Variants in ZNF791 observed in about 807,000 individuals in gnomAD.
ZNF791 encodes the protein zinc finger protein 791.
In ZNF791, 4 loss-of-function variants were observed where a neutral mutation model predicts 11.5. That is an observed-to-expected ratio of 0.35 (90% confidence interval 0.17 to 0.80). The LOEUF (loss-of-function observed/expected upper bound fraction) is 0.80. Among genes scored for constraint, ZNF791 ranks in the 30% least tolerant of loss-of-function variants. ZNF791 has a pLI of 0.53. For synonymous variants in ZNF791, 212 were observed against 228.1 expected, an observed-to-expected ratio of 0.93 and a Z score of 0.64; for missense variants, 559 against 699.4, an observed-to-expected ratio of 0.80 and a Z score of 2.26.
intron 1 of ZNF791, among the ~76,000 whole-genome samples, chr19:12,614,878 C>T (rs1458560950): frequency 1.8e-5 from 2 of 110,450 alleles, no homozygotes; most frequent in Non-Finnish European, 3.5e-5. Context: ...CAGGTGTGAG[C>T]CACTGCGTCC....
Position 12,618,988 on chromosome 19 carries a change from C to T in ZNF791, c.4-4712C>T, listed in dbSNP as rs567677525. Among the ~76,000 whole-genome samples, 3 of 151,796 alleles carry T rather than the reference C, an allele frequency of 2.0e-5. No homozygotes were observed. In the South Asian group the frequency reaches 6.3e-4, roughly 32 times the overall value. On this transcript the variant is annotated intron_variant, in intron 1 of 3. Transcript: ENST00000343325. ...TCAGCCTCCCGAGTAGCTGGGACTA[C>T]AGGCATGAGCCACCATGCCCAGCTA...
At chr19:12,619,853 T>TG (rs1021694729) in intron 1 of ZNF791, among the ~76,000 whole-genome samples, 15 of 82,134 alleles carry the variant, frequency 1.8e-4, no homozygotes, top group African/African-American at 7.4e-4. Context: ...CTTTTTTTTC[T>TG]GTTTTTTTTT....
intron 3 of ZNF791, 21 bp downstream of exon 3, chr19:12,624,731 G>C: frequency 6.3e-7 from 1 of 1,586,064 alleles, no homozygotes; most frequent in Non-Finnish European, 8.6e-7. Flanking sequence ...CTCACAAGAA[G>C]TAACAGTGTT....
At chr19:12,622,389 A>T (rs199897791) in intron 1 of ZNF791, among the ~76,000 whole-genome samples, 2,091 of 26,506 alleles carry the variant, frequency 0.079, 81 homozygotes, top group African/African-American at 0.21. Flanking sequence ...AAAAAAAATA[A>T]TAAAAAAAAG....
intron 1 of ZNF791, among the ~76,000 whole-genome samples, chr19:12,619,964 C>A (rs939719605): frequency 1.1e-4 from 16 of 150,228 alleles, no homozygotes; most frequent in African/African-American, 3.9e-4. Context: ...CGCTCTGTCG[C>A]CCAGGTTGGA....
chr19:12,619,519 G>C (rs888227777), intron 1 of ZNF791, among the ~76,000 whole-genome samples: 17 of 143,606 alleles, frequency 1.2e-4, no homozygotes, highest in African/African-American at 4.4e-4. Context: ...GCGCGATCTG[G>C]GCTCACTGCA....
rs752401192 is a variant in ZNF791, at chr19:12,628,811, C to T, written c.1282C>T (p.Arg428Ter). The T allele has an allele frequency of 3.1e-6, 5 of 1,614,048 alleles. No homozygotes were observed. The highest frequency in any genetic ancestry group is 1.1e-5 in the South Asian group (1 of 91,060). ...AKTFISLENF[R>*]RHMITHTGDG... ...AACCTTCATTTCTCTTGAGAACTTTCGAAGACACATGATCACCCACACTGG... is the reference window on the plus strand; with the variant it reads ...AACCTTCATTTCTCTTGAGAACTTTTGAAGACACATGATCACCCACACTGG... Residue 428 changes from arginine (R) to a stop codon, truncating the protein, a stop_gained, in exon 4 of 4, where the codon CGA becomes TGA. Coordinates refer to ENST00000343325, the MANE Select transcript of ZNF791 (RefSeq NM_153358.3). LOFTEE classifies it low-confidence loss of function (END_TRUNC).
chr19:12,624,162 T>G (rs1335355772), intron 2 of ZNF791, among the ~76,000 whole-genome samples: 2 of 141,046 alleles, frequency 1.4e-5, no homozygotes, highest in Non-Finnish European at 3.1e-5. Context: ...GGCCTTCTTT[T>G]TTTTTTTTTT....
At position 12,633,414 on chromosome 19, in the gene ZNF791, A is replaced by C. The variant is rs2023522879; in HGVS notation, c.*4154A>C. 6.6e-6 allele frequency: 1 copy of C among 152,136 alleles called. No individual in the cohort carries two copies. Among genetic ancestry groups the C allele is most frequent in the Non-Finnish European group, 1.5e-5 (1 of 68,034 alleles). The allele number at this position is 152,136 out of a possible 1,614,324, so 9.4% of individuals were successfully genotyped here. A position where few individuals can be genotyped will look rare whatever the true frequency, so the allele number is the denominator to read the frequency against. On this transcript the variant is annotated 3_prime_UTR_variant, in exon 4 of 4. Coordinates refer to ENST00000343325, the MANE Select transcript of ZNF791 (RefSeq NM_153358.3). ...ATTCACTTATAGCCTCACTTGCATG[A>C]GATTTGCCAGGCAGAAGTGAAGAAG...
intron 2 of ZNF791, 46 bp downstream of exon 2, chr19:12,623,872 G>A (rs573397973): frequency 4.0e-6 from 4 of 1,003,902 alleles, no homozygotes; most frequent in African/African-American, 1.6e-5. Flanking sequence ...TTTTTTTTTG[G>A]GGGGGGACAG....
At chr19:12,625,402 C>T (rs1054885077) in intron 3 of ZNF791, among the ~76,000 whole-genome samples, 3 of 151,560 alleles carry the variant, frequency 2.0e-5, no homozygotes, top group Admixed American at 6.6e-5. Context: ...ATTACAGGCA[C>T]GAGCCACTGG....
chr19:12,615,970 A>G (rs1254292309), intron 1 of ZNF791, among the ~76,000 whole-genome samples: 1 of 152,162 alleles, frequency 6.6e-6, no homozygotes, highest in East Asian at 1.9e-4. Context: ...TGCATGGTCC[A>G]CTGGTAAGAG....
chr19:12,630,666 C>T lies in ZNF791; in HGVS notation c.*1406C>T, dbSNP rs1262757391. On this transcript the variant is annotated 3_prime_UTR_variant, in exon 4 of 4. Transcript: ENST00000343325. Reference sequence around the variant, plus strand: ...CTCCATGTGCAGGACTGCCCCTGAACGTATTCTGGCGGGACAAAACATGGA... The same window carrying T: ...CTCCATGTGCAGGACTGCCCCTGAATGTATTCTGGCGGGACAAAACATGGA... 2.6e-5 allele frequency: 4 copies of T among 152,186 alleles called. No individual in the cohort carries two copies. In the South Asian group the frequency reaches 6.2e-4, roughly 24 times the overall value. The allele number at this position is 152,186 out of a possible 1,614,324, so 9.4% of individuals were successfully genotyped here. A position where few individuals can be genotyped will look rare whatever the true frequency, so the allele number is the denominator to read the frequency against.
At chr19:12,625,784 CAA>C (rs781019678) in intron 3 of ZNF791, among the ~76,000 whole-genome samples, 21 of 81,770 alleles carry the variant, frequency 2.6e-4, no homozygotes, top group Non-Finnish European at 2.8e-4. Flanking sequence ...GACTCCATCT[CAA>C]AAAAAAAAAA....
At chr19:12,616,153 T>C (rs2023242663) in intron 1 of ZNF791, among the ~76,000 whole-genome samples, 1 of 152,246 alleles carries the variant, frequency 6.6e-6, no homozygotes. Flanking sequence ...TCTTCAGTTT[T>C]ATTTGCAGCT....
At chr19:12,612,262 C>T (rs1057341509) in intron 1 of ZNF791, 2 of 398,150 alleles carry the variant, frequency 5.0e-6, no homozygotes, top group Non-Finnish European at 6.8e-6. Context: ...TGATCTTGAA[C>T]TCCTGGGCTC....
chr19:12,615,012 C>CT (rs1180146927), intron 1 of ZNF791, among the ~76,000 whole-genome samples: 1,533 of 49,836 alleles, frequency 0.031, 454 homozygotes, highest in African/African-American at 0.12. Context: ...CTATGTTCAA[C>CT]TTTTTTTTTT....
chr19:12,619,142 G>T (rs2145183715), intron 1 of ZNF791, among the ~76,000 whole-genome samples: 1 of 152,156 alleles, frequency 6.6e-6, no homozygotes, highest in African/African-American at 2.4e-5. Context: ...ACCACGCCTG[G>T]CCACCTCTCA....
intron 1 of ZNF791, among the ~76,000 whole-genome samples, chr19:12,620,562 G>A (rs1284622725): frequency 2.0e-5 from 3 of 152,098 alleles, no homozygotes; most frequent in South Asian, 2.1e-4. Context: ...ACGAGGGAGA[G>A]CTCCCTGGAG....
Sources: gnomAD v4.1 joint callset for allele counts (sites outside exome capture counted in the v4.1 genomes callset) on GRCh38, gnomAD v4.1.1 for gene constraint, MANE v1.5 for transcripts, NCBI Gene and HGNC (gene_info 2026-07-23, HGNC 2026-07-21) for gene names.